Variants in TNNI3K observed in about 807,000 individuals in gnomAD.
TNNI3K encodes the protein serine/threonine-protein kinase TNNI3K.
TNNI3K carries 140 observed loss-of-function variants against 114.5 expected under a neutral mutation model. That is an observed-to-expected ratio of 1.22 (90% confidence interval 1.07 to 1.41). The LOEUF (loss-of-function observed/expected upper bound fraction) is 1.41, where lower values mean the gene tolerates loss of function less well. Ranked by LOEUF, TNNI3K falls within the 40% of genes most tolerant of loss-of-function variation. The pLI is 0.00. For synonymous variants in TNNI3K, 347 were observed against 347.5 expected (o/e 1.00, Z 0.02); for missense variants, 1,125 against 1,007.6 (o/e 1.12, Z -1.58).
intron 3 of TNNI3K, among the ~76,000 whole-genome samples, 166 bp from the exon 4 acceptor site, chr1:74,250,506 C>A (rs912848059): frequency 3.9e-5 from 6 of 151,976 alleles, no homozygotes; most frequent in African/African-American, 1.5e-4. Context: ...AAGAAATATC[C>A]CCTAGTAAGT....
At chr1:74,321,847 T>A (rs568655176) in intron 5 of TNNI3K, among the ~76,000 whole-genome samples, 60 of 152,204 alleles carry the variant, frequency 3.9e-4, no homozygotes, top group South Asian at 2.1e-3. Context: ...TAATTAGAGA[T>A]ATGTCAAGAA....
chr1:74,240,846 T>C (rs1654150871), intron 2 of TNNI3K: 1 of 151,998 alleles, frequency 6.6e-6, no homozygotes, highest in South Asian at 2.1e-4. Context: ...GTTAGTTACA[T>C]ATGTATACAT....
intron 23 of TNNI3K, among the ~76,000 whole-genome samples, chr1:74,508,158 A>G (rs1240395810): frequency 6.6e-6 from 1 of 152,222 alleles, no homozygotes; most frequent in Non-Finnish European, 1.5e-5. Context: ...TGCCAAAGAG[A>G]TGCAGAAATA....
chr1:74,388,244 C>T (rs1276445725), intron 17 of TNNI3K, among the ~76,000 whole-genome samples: 2 of 151,912 alleles, frequency 1.3e-5, no homozygotes, highest in Middle Eastern at 3.2e-3. Flanking sequence ...CACCACTGCA[C>T]TCCAGCCTGG....
At chr1:74,360,470 G>A (rs969776807) in intron 11 of TNNI3K, among the ~76,000 whole-genome samples, 1 of 152,024 alleles carries the variant, frequency 6.6e-6, no homozygotes, top group African/African-American at 2.4e-5. Flanking sequence ...TCTTTGCCAT[G>A]CTTGTTCTAA....
intron 17 of TNNI3K, among the ~76,000 whole-genome samples, chr1:74,416,138 C>T (rs1409655374): frequency 2.0e-5 from 3 of 152,140 alleles, no homozygotes; most frequent in Non-Finnish European, 4.4e-5. Flanking sequence ...CTCTGGTTCT[C>T]AAGCGTCCAA....
chr1:74,503,529 G>A (rs527899172), intron 23 of TNNI3K, among the ~76,000 whole-genome samples: 1 of 152,144 alleles, frequency 6.6e-6, no homozygotes, highest in African/African-American at 2.4e-5. Flanking sequence ...TATGGATCTT[G>A]TATGTATAAT....
At chr1:74,402,775 A>G (rs1393795179) in intron 17 of TNNI3K, among the ~76,000 whole-genome samples, 1 of 152,150 alleles carries the variant, frequency 6.6e-6, no homozygotes, top group Admixed American at 6.6e-5. Context: ...AAGCTTGTCC[A>G]CCCCACAGCC....
At chr1:74,435,575 C>T (rs1666084970) in intron 17 of TNNI3K, among the ~76,000 whole-genome samples, 2 of 152,060 alleles carry the variant, frequency 1.3e-5, no homozygotes, top group South Asian at 4.1e-4. Context: ...GATCTCAAAA[C>T]ACTCCTTTGT....
chr1:74,457,176 A>C (rs955320589), intron 20 of TNNI3K, among the ~76,000 whole-genome samples: 1 of 152,200 alleles, frequency 6.6e-6, no homozygotes, highest in Non-Finnish European at 1.5e-5. Context: ...TATCACTAAA[A>C]GGAGTAGAGC....
intron 22 of TNNI3K, among the ~76,000 whole-genome samples, chr1:74,490,969 G>T (rs1478798097): frequency 6.6e-6 from 1 of 152,184 alleles, no homozygotes; most frequent in African/African-American, 2.4e-5. Context: ...AGCTCATTGG[G>T]AGTTAAAATA....
At chr1:74,308,078 C>A (rs1658761896) in intron 5 of TNNI3K, among the ~76,000 whole-genome samples, 1 of 151,828 alleles carries the variant, frequency 6.6e-6, no homozygotes, top group Non-Finnish European at 1.5e-5. Context: ...AGGACTTCAA[C>A]ATCCCAGTAA....
chr1:74,314,673 C>T (rs190762434), intron 5 of TNNI3K, among the ~76,000 whole-genome samples: 4 of 152,130 alleles, frequency 2.6e-5, no homozygotes, highest in East Asian at 1.9e-4. Context: ...ATAAATATTC[C>T]TGAAAATGTT....
chr1:74,351,244 A>G lies in TNNI3K; in HGVS notation c.933-2022A>G, dbSNP rs1453211153. On this transcript the variant is annotated intron_variant, in intron 9 of 24. Coordinates refer to ENST00000326637, the MANE Select transcript of TNNI3K (RefSeq NM_015978.3). ...CTTATGAAGCTTAGTTTGGCTGGAT[A>G]TGAAATTCTGGGTTGAAAATTCTTT... 5.3e-5 allele frequency among the ~76,000 whole-genome samples: 8 copies of G among 151,788 alleles called. No homozygotes were observed. The East Asian group carries it at 7.8e-4, about 15-fold the overall frequency.
intron 23 of TNNI3K, among the ~76,000 whole-genome samples, chr1:74,519,560 T>G (rs191291789): frequency 2.4e-5 from 3 of 126,336 alleles, no homozygotes; most frequent in Non-Finnish European, 4.5e-5. Flanking sequence ...TCCTGACTTT[T>G]TAATGATTGC....
chr1:74,242,191 C>A (rs1168357451), intron 2 of TNNI3K, among the ~76,000 whole-genome samples: 2 of 152,046 alleles, frequency 1.3e-5, no homozygotes, highest in African/African-American at 4.8e-5. Context: ...TCAACATAAT[C>A]CAAAACAACT....
In TNNI3K at chr1:74,369,098, T is replaced by C. The variant is rs1662446158; in HGVS notation, c.1398T>C (p.His466=). ...TTCAGCTCTCAGAAATTGAGTTCCA[T>C]GAGATTATTGGCTCAGGTAACCTAA... ...FHLQLSEIEF[H]EIIGSGSFGK... Residue 466 remains histidine (H), a synonymous_variant, in exon 14 of 25, where the codon CAT becomes CAC. Coordinates refer to ENST00000326637, the MANE Select transcript of TNNI3K (RefSeq NM_015978.3). 1 of 1,608,228 alleles carries C rather than the reference T, an allele frequency of 6.2e-7. No individual in the cohort carries two copies. The highest frequency in any genetic ancestry group is 1.3e-5 in the African/African-American group (1 of 74,656).
chr1:74,262,593 A>G (rs1001464495), intron 4 of TNNI3K, among the ~76,000 whole-genome samples: 3 of 152,084 alleles, frequency 2.0e-5, no homozygotes, highest in African/African-American at 7.2e-5. Flanking sequence ...ATTTAACTAA[A>G]TTCTCCAGTT....
At chr1:74,524,000 C>G (rs1431909688) in intron 23 of TNNI3K, among the ~76,000 whole-genome samples, 1 of 151,754 alleles carries the variant, frequency 6.6e-6, no homozygotes, top group Admixed American at 6.6e-5. Flanking sequence ...GCAATTCCAT[C>G]AAGCCACAAT....
Sources: allele counts gnomAD v4.1 joint callset (sites outside exome capture counted in the v4.1 genomes callset), GRCh38; gene constraint gnomAD v4.1.1; transcripts MANE v1.5; gene names NCBI Gene and HGNC (gene_info 2026-07-23, HGNC 2026-07-21).